ANKRD36: variants seen among roughly 807,000 people sequenced by gnomAD.
The protein encoded by ANKRD36 is ankyrin repeat domain 36, also known as ankyrin repeat domain-containing protein 36A.
Under a neutral mutation model 278.1 loss-of-function variants are expected in ANKRD36, and 179 were observed. That is an observed-to-expected ratio of 0.64 (90% confidence interval 0.57 to 0.73). The LOEUF (loss-of-function observed/expected upper bound fraction) is 0.73, where lower values mean the gene tolerates loss of function less well. ANKRD36 is among the 30% of genes least tolerant of loss of function. The pLI, the probability that ANKRD36 is intolerant of heterozygous loss-of-function variation, is 0.00. For synonymous variants in ANKRD36, 320 were observed against 641.1 expected (o/e 0.50, Z 7.57); for missense variants, 1,159 against 1,956.7 (o/e 0.59, Z 7.69).
At chr2:97,134,109 C>A (rs555700580) in intron 6 of ANKRD36, among the ~76,000 whole-genome samples, 2 of 152,130 alleles carry the variant, frequency 1.3e-5, no homozygotes, top group Admixed American at 6.6e-5. Context: ...TTTTTGCTGT[C>A]CCCATAGTTT....
intron 46 of ANKRD36, 68 bp downstream of exon 46, chr2:97,200,593 C>A (rs573397732): frequency 1.0e-5 from 16 of 1,530,874 alleles, no homozygotes; most frequent in South Asian, 2.4e-5. Context: ...CCGAATAAAT[C>A]AGTCGGGGGC....
rs568461836 is a variant in ANKRD36, at chr2:97,209,953, C to T, written c.3367+81C>T. 1.9e-5 allele frequency: 29 copies of T among 1,496,182 alleles called. No homozygotes were observed. In the South Asian group the frequency reaches 3.1e-4, roughly 16 times the overall value. The allele number at this position is 1,496,182 out of a possible 1,614,324, so 92.7% of individuals were successfully genotyped here. A position where few individuals can be genotyped will look rare whatever the true frequency, so the allele number is the denominator to read the frequency against. On this transcript the variant is annotated intron_variant, in intron 56 of 75. Transcript: ENST00000420699. ...CTTCCCTGAATAAATCAGCGGAGGG[C>T]TCGTTGAAGCTGCACATTCTGATTC...
At chr2:97,206,342 T>C (rs2062846437) in intron 52 of ANKRD36, among the ~76,000 whole-genome samples, 1 of 151,420 alleles carries the variant, frequency 6.6e-6, no homozygotes, top group African/African-American at 2.4e-5. Flanking sequence ...CTTCCCCACG[T>C]TGAAGTTGGG....
intron 22 of ANKRD36, among the ~76,000 whole-genome samples, chr2:97,169,469 T>A (rs1383974861): frequency 1.1e-3 from 155 of 134,900 alleles, no homozygotes; most frequent in South Asian, 6.3e-3. Context: ...AAATAAAGGG[T>A]ATTCAAATAG....
Position 97,196,638 on chromosome 2 carries a change from TTA to T in ANKRD36, c.2580+19_2580+20del. 6.2e-7 allele frequency: 1 copy of T among 1,603,910 alleles called. No individual in the cohort carries two copies. The highest frequency in any genetic ancestry group is 8.5e-7 in the Non-Finnish European group (1 of 1,178,466). ...ACCTTGAAGGTAATGAAACTCCCAT[TTA>T]TCATGTGAACGAGTTAATGTATGGT... On this transcript the variant is annotated intron_variant, in intron 41 of 75. Coordinates refer to ENST00000420699, the MANE Select transcript of ANKRD36 (RefSeq NM_001354587.1).
intron 66 of ANKRD36, among the ~76,000 whole-genome samples, chr2:97,224,089 A>C (rs1372434671): frequency 6.6e-6 from 1 of 151,952 alleles, no homozygotes; most frequent in Non-Finnish European, 1.5e-5. Context: ...AAACAGTAGC[A>C]GTCATTTTGG....
intron 67 of ANKRD36, among the ~76,000 whole-genome samples, chr2:97,230,348 T>G (rs1348099390): frequency 2.0e-5 from 3 of 152,054 alleles, no homozygotes; most frequent in Non-Finnish European, 1.5e-5. Context: ...TTTTCATTCT[T>G]TTTTCTCTCA....
At chr2:97,212,790 G>C (rs910800244) in intron 58 of ANKRD36, 1 of 172,198 alleles carries the variant, frequency 5.8e-6, no homozygotes, top group African/African-American at 2.4e-5. Flanking sequence ...ACTTTCAGAA[G>C]GCTAAACGAG....
chr2:97,154,838 T>C, intron 15 of ANKRD36, 97 bp downstream of exon 15: 1 of 1,070,940 alleles, frequency 9.3e-7, no homozygotes, highest in Non-Finnish European at 1.3e-6. Context: ...TGTCTACCTA[T>C]CATTGTTTTA....
intron 62 of ANKRD36, among the ~76,000 whole-genome samples, chr2:97,216,252 C>A (rs1439132151): frequency 1.3e-5 from 2 of 151,854 alleles, no homozygotes; most frequent in Non-Finnish European, 2.9e-5. Context: ...CTTCATTGTT[C>A]AAGGAGCTAA....
intron 69 of ANKRD36, among the ~76,000 whole-genome samples, chr2:97,242,152 A>T (rs1387497039): frequency 6.6e-6 from 1 of 151,042 alleles, no homozygotes; most frequent in African/African-American, 2.4e-5. Flanking sequence ...TTAGCCAGGT[A>T]TGGTGGTTGT....
At chr2:97,220,351 A>C (rs1326667969) in intron 66 of ANKRD36, among the ~76,000 whole-genome samples, 1 of 149,750 alleles carries the variant, frequency 6.7e-6, no homozygotes, top group Non-Finnish European at 1.5e-5. Flanking sequence ...TTCTAACTAT[A>C]GTTTGTACTT....
At chr2:97,172,114 C>A (rs1457336049) in intron 22 of ANKRD36, among the ~76,000 whole-genome samples, 4 of 151,762 alleles carry the variant, frequency 2.6e-5, no homozygotes, top group Non-Finnish European at 5.9e-5. Context: ...GACATGTAAT[C>A]AAGAGCTTGA....
At chr2:97,158,788 T>C (rs1026108765) in intron 17 of ANKRD36, 133 bp downstream of exon 17, 1 of 963,274 alleles carries the variant, frequency 1.0e-6, no homozygotes, top group African/African-American at 1.6e-5. Context: ...ATTTTTCCCG[T>C]GCTTTATTCA....
chr2:97,219,145 C>T lies in ANKRD36; in HGVS notation c.3805-29C>T, dbSNP rs916328179. The T allele has an allele frequency of 6.5e-6, 10 of 1,546,806 alleles. No individual in the cohort carries two copies. The African/African-American group carries it at 8.2e-5, about 13-fold the overall frequency. ...AACCTATACCAATATACATCATGTG[C>T]TAATCACTTTGTTTTAAAACCCATT... On this transcript the variant is annotated intron_variant, in intron 65 of 75. Coordinates refer to ENST00000420699, the MANE Select transcript of ANKRD36 (RefSeq NM_001354587.1).
chr2:97,158,419 G>A (rs12616884), intron 16 of ANKRD36, among the ~76,000 whole-genome samples, 169 bp from the exon 17 acceptor site: 3,879 of 72,242 alleles, frequency 0.054, no homozygotes, highest in East Asian at 0.13. Context: ...TAGAGATGGA[G>A]TTTCACCATG....
intron 28 of ANKRD36, 123 bp downstream of exon 28, chr2:97,183,777 T>G: frequency 7.5e-7 from 1 of 1,332,534 alleles, no homozygotes; most frequent in South Asian, 1.4e-5. Flanking sequence ...CCTGAGATTA[T>G]GCATTTCTAG....
chr2:97,162,226 T>C, intron 18 of ANKRD36, 88 bp downstream of exon 18: 11 of 902,232 alleles, frequency 1.2e-5, no homozygotes, highest in Non-Finnish European at 1.5e-5. Context: ...GGTGGTGAGG[T>C]AGTGAATATA....
intron 30 of ANKRD36, among the ~76,000 whole-genome samples, chr2:97,186,774 C>G (rs959971238): frequency 4.0e-5 from 6 of 151,790 alleles, no homozygotes; most frequent in African/African-American, 1.5e-4. Flanking sequence ...AGTTAATGAA[C>G]ATGATGAATG....
Sources: gnomAD v4.1 joint callset for allele counts (sites outside exome capture counted in the v4.1 genomes callset) on GRCh38, gnomAD v4.1.1 for gene constraint, MANE v1.5 for transcripts, NCBI Gene and HGNC (gene_info 2026-07-23, HGNC 2026-07-21) for gene names.